The following GBP4 variants were observed in gnomAD, a reference collection of about 807,000 sequenced individuals.
GBP4 encodes the protein guanylate binding protein 4.
GBP4 carries 69 observed loss-of-function variants against 62.2 expected under a neutral mutation model. The observed-to-expected ratio is 1.11, with a 90% CI of 0.91 to 1.36. The LOEUF is 1.36. GBP4 is among the 40% of genes most tolerant of loss of function. GBP4 has a pLI of 0.00. For synonymous variants in GBP4, 278 were observed against 274.6 expected (o/e 1.01, Z -0.12); for missense variants, 697 against 759.3 (o/e 0.92, Z 0.96).
intron 3 of GBP4, among the ~76,000 whole-genome samples, chr1:89,194,013 C>A (rs1263656298): frequency 6.6e-6 from 1 of 152,116 alleles, no homozygotes; most frequent in African/African-American, 2.4e-5. Flanking sequence ...AATTCAGGAG[C>A]AAGAAGTGAT....
Position 89,183,165 on chromosome 1 carries a change from A to G in GBP4, c.*2089T>C, listed in dbSNP as rs1309259140. The G allele has an allele frequency of 1.3e-5, 2 of 152,258 alleles. No homozygotes were observed. Among genetic ancestry groups the G allele is most frequent in the Non-Finnish European group, 1.5e-5 (1 of 68,062 alleles). The allele number at this position is 152,258 out of a possible 1,614,324, so 9.4% of individuals were successfully genotyped here. On this transcript the variant is annotated 3_prime_UTR_variant, in exon 11 of 11. Transcript: ENST00000355754. ...ACCTCAAACCATACTACAGAGCTAC[A>G]GTAACCAAAACAGCATGGTATTAGT... is the stretch of plus-strand genomic sequence containing the variant.
rs1648275624 is a variant in GBP4, at chr1:89,194,632, C to T, written c.363+665G>A. Among the ~76,000 whole-genome samples, 5 of 152,296 alleles carry T rather than the reference C, an allele frequency of 3.3e-5. No individual in the cohort carries two copies. The South Asian group carries it at 1.0e-3, about 32-fold the overall frequency. On this transcript the variant is annotated intron_variant, in intron 3 of 10. Transcript: ENST00000355754. ...AGAAGAATGGACTGATCGCACCTAACACTTTAAGACAAAATACCTAAAGTT... is the reference window on the plus strand; with the variant it reads ...AGAAGAATGGACTGATCGCACCTAATACTTTAAGACAAAATACCTAAAGTT...
chr1:89,188,466 G>T, intron 8 of GBP4, 116 bp downstream of exon 8: 1 of 800,832 alleles, frequency 1.2e-6, no homozygotes, highest in Non-Finnish European at 2.1e-6. Context: ...ACTCAAAATA[G>T]CATCATGTTC....
chr1:89,191,362 A>G lies in GBP4; in HGVS notation c.815T>C (p.Leu272Pro), dbSNP rs763003067. The G allele has an allele frequency of 2.5e-6, 4 of 1,614,234 alleles. No homozygotes were observed. The change falls in exon 6 of 11, where the codon CTG (leucine) becomes CCG (proline). Residue 272 changes from leucine (L) to proline (P), a missense_variant. By Grantham distance (98) the Leu-to-Pro change is moderately conservative. Coordinates refer to ENST00000355754, the MANE Select transcript of GBP4 (RefSeq NM_052941.5). ...NHMDEVPEEN[L>P]ERHFLMQSDN... is the part of the protein sequence containing the mutation. ...TGATTGCATAAGGAAATGCCTTTCC[A>G]GATTTTCTTCTGGCACTTCGTCCAT...
intron 6 of GBP4, among the ~76,000 whole-genome samples, chr1:89,190,941 A>G (rs1648164730): frequency 6.6e-6 from 1 of 152,120 alleles, no homozygotes; most frequent in African/African-American, 2.4e-5. Flanking sequence ...TGACTAATGT[A>G]AATTTATAAA....
At chr1:89,195,163 C>A in intron 3 of GBP4, 134 bp downstream of exon 3, 2 of 906,300 alleles carry the variant, frequency 2.2e-6, no homozygotes, top group Non-Finnish European at 3.4e-6. Flanking sequence ...ATAAGGAAGT[C>A]TGAGGAAACA....
chr1:89,192,777 C>T (rs1648221537), intron 5 of GBP4, 127 bp downstream of exon 5: 3 of 792,118 alleles, frequency 3.8e-6, no homozygotes, highest in African/African-American at 1.7e-5. Context: ...CAATCACCAA[C>T]CACCATGAGC....
chr1:89,195,308 C>T lies in GBP4; in HGVS notation c.352G>A (p.Asp118Asn), dbSNP rs75750014. ...TTTCTCTGCCTTACCTTTTCTACATCGCCCAGGCCCTCGGTGTCCAGAAGG... is the reference window on the plus strand; with the variant it reads ...TTTCTCTGCCTTACCTTTTCTACATTGCCCAGGCCCTCGGTGTCCAGAAGG... ...LVLLDTEGLG[D>N]VEKSNPKNDS... Residue 118 changes from aspartate to asparagine, a missense_variant, in exon 3 of 11, where the codon GAT becomes AAT. Physicochemically the swap from Asp to Asn is conservative, Grantham distance 23. Coordinates refer to ENST00000355754, the MANE Select transcript of GBP4 (RefSeq NM_052941.5). The T allele has an allele frequency of 1.7e-5, 28 of 1,613,646 alleles. No homozygotes were observed. Among genetic ancestry groups the T allele is most frequent in the East Asian group, 6.7e-5 (3 of 44,874 alleles).
In GBP4 at chr1:89,195,320, C is replaced by T. The variant is rs771688858; in HGVS notation, c.340G>A (p.Glu114Lys). The T allele has an allele frequency of 1.2e-5, 20 of 1,613,790 alleles. No homozygotes were observed. The highest frequency in any genetic ancestry group is 6.7e-5 in the African/African-American group (5 of 74,890). Reference sequence around the variant, plus strand: ...ACCTTTTCTACATCGCCCAGGCCCTCGGTGTCCAGAAGGACCAGGGTGTGG... The same window carrying T: ...ACCTTTTCTACATCGCCCAGGCCCTTGGTGTCCAGAAGGACCAGGGTGTGG... The part of the protein sequence containing the change: ...PNHTLVLLDT[E>K]GLGDVEKSNP... The change falls in exon 3 of 11, where the codon GAG (glutamate) becomes AAG (lysine). Residue 114 changes from glutamate (E) to lysine (K), a missense_variant. By Grantham distance (56) the Glu-to-Lys change is moderately conservative (BLOSUM62 1). Coordinates refer to ENST00000355754, the MANE Select transcript of GBP4 (RefSeq NM_052941.5).
chr1:89,190,005 GCAGAAAT>G (rs1557474180), intron 7 of GBP4, 26 bp downstream of exon 7: 2 of 1,575,672 alleles, frequency 1.3e-6, no homozygotes. Flanking sequence ...TTTCGGAAGG[GCAGAAAT>G]CAGGAAGGAT....
At chr1:89,193,744 A>T (rs1338363880) in intron 3 of GBP4, among the ~76,000 whole-genome samples, 1 of 152,186 alleles carries the variant, frequency 6.6e-6, no homozygotes, top group African/African-American at 2.4e-5. Flanking sequence ...CACAAATGCT[A>T]TTCAGTTAAG....
At chr1:89,186,688 T>C (rs1182133335) in intron 9 of GBP4, among the ~76,000 whole-genome samples, 162 bp from the exon 10 acceptor site, 1 of 152,214 alleles carries the variant, frequency 6.6e-6, no homozygotes, top group East Asian at 1.9e-4. Context: ...TGTTGAATAA[T>C]GTGATGCGAA....
At position 89,184,702 on chromosome 1, in the gene GBP4, G is replaced by T. The variant is rs1647982959; in HGVS notation, c.*552C>A. On this transcript the variant is annotated 3_prime_UTR_variant, in exon 11 of 11. Transcript: ENST00000355754. ...AAGAGACACTGGGGTCTACTTGAGG[G>T]TGTAGGTTGGGAGGAGGGAGAAGAT... The T allele has an allele frequency of 6.6e-6, 1 of 152,426 alleles. No individual in the cohort carries two copies. Among genetic ancestry groups the T allele is most frequent in the Admixed American group, 6.5e-5 (1 of 15,286 alleles). The allele number at this position is 152,426 out of a possible 1,614,324, so 9.4% of individuals were successfully genotyped here.
Position 89,191,391 on chromosome 1 carries a change from A to G in GBP4, c.786T>C (p.Asn262=). The change falls in exon 6 of 11, where the codon AAT becomes AAC. Residue 262 remains asparagine (N), a synonymous_variant. Transcript: ENST00000355754. Reference sequence around the variant, plus strand: ...TTTCTTCTGGCACTTCGTCCATATGATTTAAATATTGCTTGTCATTTGTAG... The same window carrying G: ...TTTCTTCTGGCACTTCGTCCATATGGTTTAAATATTGCTTGTCATTTGTAG... ...DRPTNDKQYL[N]HMDEVPEENL... 2.5e-6 allele frequency: 4 copies of G among 1,614,240 alleles called. No homozygotes were observed. Among genetic ancestry groups the G allele is most frequent in the Non-Finnish European group, 3.4e-6 (4 of 1,180,044 alleles).
Position 89,193,383 on chromosome 1 carries a change from A to G in GBP4, c.393T>C (p.Phe131=), listed in dbSNP as rs1648242503. 2 of 1,614,202 alleles carry G rather than the reference A, an allele frequency of 1.2e-6. No homozygotes were observed. Among genetic ancestry groups the G allele is most frequent in the Admixed American group, 1.7e-5 (1 of 60,024 alleles). Residue 131 remains phenylalanine, a synonymous_variant, in exon 4 of 11, where the codon TTT becomes TTC. Transcript: ENST00000355754. ...KSNPKNDSWI[F]ALAVLLSSSF... The stretch of plus-strand genomic sequence containing the variant: ...TGCTGCTTAGAAGCACAGCCAGGGC[A>G]AAGATCCACGAGTCATTCTTAGGGT...
At chr1:89,190,364 T>A in intron 6 of GBP4, 46 bp from the exon 7 acceptor site, 1 of 1,481,388 alleles carries the variant, frequency 6.8e-7, no homozygotes, top group Non-Finnish European at 9.1e-7. Context: ...TTACTCATTA[T>A]TTATACAAGT....
intron 7 of GBP4, among the ~76,000 whole-genome samples, chr1:89,189,587 AAAG>A (rs757441934): frequency 1.3e-5 from 2 of 152,224 alleles, no homozygotes; most frequent in Non-Finnish European, 2.9e-5. Context: ...GAGCCCCTTA[AAAG>A]TGGTTTTCTC....
chr1:89,187,628 T>G (rs781166457), intron 8 of GBP4, among the ~76,000 whole-genome samples: 3 of 151,972 alleles, frequency 2.0e-5, no homozygotes, highest in African/African-American at 7.3e-5. Flanking sequence ...TATAACTAAA[T>G]AGCAAAAATA....
At position 89,191,419 on chromosome 1, in the gene GBP4, C is replaced by T. The variant is rs370597600; in HGVS notation, c.758G>A (p.Arg253Gln). 22 of 1,614,056 alleles carry T rather than the reference C, an allele frequency of 1.4e-5. No homozygotes were observed. The South Asian group carries it at 2.0e-4, about 14-fold the overall frequency. Residue 253 changes from arginine to glutamine, a missense_variant, in exon 6 of 11, where the codon CGG becomes CAG. By Grantham distance (43) the Arg-to-Gln change is conservative. Around this residue, in one of 2 missense-constraint regions of GBP4, gnomAD observed 556 missense variants for 562.7 expected, o/e 0.99. Transcript: ENST00000355754. Reference protein sequence around the residue: ...FRKRKCFVFDRPTNDKQYLNH... With the variant: ...FRKRKCFVFDQPTNDKQYLNH... ...TAAATATTGCTTGTCATTTGTAGGC[C>T]GGTCAAAGACAAAGCACTTCCGTTT...
Sources: allele counts gnomAD v4.1 joint callset (sites outside exome capture counted in the v4.1 genomes callset), GRCh38; gene constraint gnomAD v4.1.1; regional missense constraint gnomAD v4.1.1; transcripts MANE v1.5; gene names NCBI Gene and HGNC (gene_info 2026-07-23, HGNC 2026-07-21).